The following MICU1 variants were observed in gnomAD, a reference collection of about 807,000 sequenced individuals.
MICU1 encodes mitochondrial calcium uptake 1.
MICU1 carries 45 observed loss-of-function variants against 56.8 expected under a neutral mutation model. The ratio of observed to expected loss-of-function variants is 0.79; its 90% CI spans 0.62 to 1.02. The LOEUF (loss-of-function observed/expected upper bound fraction) is 1.02. Among genes scored for constraint, MICU1 ranks in the 50% least tolerant of loss-of-function variants. The pLI, the probability that MICU1 is intolerant of heterozygous loss-of-function variation, is 0.00. For missense variants in MICU1, 504 were observed against 587.1 expected (o/e 0.86, Z 1.46); for synonymous variants, 186 against 195.1 (o/e 0.95, Z 0.39).
intron 10 of MICU1, among the ~76,000 whole-genome samples, chr10:72,403,629 T>TTGTGTGTGTGTGTGTGTG (rs60373032): frequency 5.7e-5 from 8 of 139,822 alleles, no homozygotes; most frequent in Non-Finnish European, 7.7e-5. Flanking sequence ...CATACCAAAA[T>TTGTGTGTGTGTGTGTGTG]TGTGTGTGTG....
intron 6 of MICU1, among the ~76,000 whole-genome samples, chr10:72,498,429 T>A (rs2132321165): frequency 6.6e-6 from 1 of 152,116 alleles, no homozygotes; most frequent in African/African-American, 2.4e-5. Context: ...CTATTAAAAG[T>A]ACAAAAATTA....
At chr10:72,594,366 T>A (rs1841313611) in intron 1 of MICU1, among the ~76,000 whole-genome samples, 1 of 151,892 alleles carries the variant, frequency 6.6e-6, no homozygotes, top group South Asian at 2.1e-4. Context: ...AAGAGAAAGT[T>A]GAACCCTTAC....
intron 8 of MICU1, among the ~76,000 whole-genome samples, chr10:72,473,632 T>C (rs1265525747): frequency 6.6e-6 from 1 of 151,950 alleles, no homozygotes; most frequent in Non-Finnish European, 1.5e-5. Flanking sequence ...CATGTACATC[T>C]TTGGGATATG....
chr10:72,592,396 C>T (rs575390448), intron 1 of MICU1, among the ~76,000 whole-genome samples: 3 of 152,064 alleles, frequency 2.0e-5, no homozygotes, highest in African/African-American at 4.8e-5. Context: ...TTCTACTAAA[C>T]ATTTAAAGAA....
chr10:72,426,798 G>A (rs1040135027), intron 8 of MICU1, among the ~76,000 whole-genome samples: 5 of 152,082 alleles, frequency 3.3e-5, no homozygotes, highest in African/African-American at 9.7e-5. Context: ...ATACTCAACC[G>A]CTATCTTAAG....
At chr10:72,413,769 T>C (rs989529491) in intron 9 of MICU1, among the ~76,000 whole-genome samples, 4 of 152,050 alleles carry the variant, frequency 2.6e-5, no homozygotes, top group African/African-American at 9.7e-5. Context: ...TCCAGAATTA[T>C]ATAAACAACT....
chr10:72,468,610 A>C (rs1865864380), intron 8 of MICU1, among the ~76,000 whole-genome samples: 1 of 151,754 alleles, frequency 6.6e-6, no homozygotes. Context: ...TAAAGAAAAA[A>C]GGGTAGAATG....
intron 10 of MICU1, among the ~76,000 whole-genome samples, chr10:72,394,021 C>T (rs1192006067): frequency 2.0e-5 from 3 of 152,196 alleles, no homozygotes; most frequent in Admixed American, 6.5e-5. Context: ...CCCACCTTGG[C>T]CTCCCAAAGT....
chr10:72,388,715 G>A (rs1862971493), intron 10 of MICU1, among the ~76,000 whole-genome samples: 1 of 152,212 alleles, frequency 6.6e-6, no homozygotes, highest in South Asian at 2.1e-4. Context: ...AAAGTCCAGA[G>A]TCTGTCTTCC....
intron 8 of MICU1, among the ~76,000 whole-genome samples, chr10:72,455,298 C>T (rs889353546): frequency 3.9e-5 from 5 of 129,206 alleles, no homozygotes; most frequent in South Asian, 2.4e-4. Flanking sequence ...TGCAGTGAGC[C>T]GAGATGGTGC....
At chr10:72,524,006 T>C in intron 5 of MICU1, 1 of 1,262,918 alleles carries the variant, frequency 7.9e-7, no homozygotes, top group Non-Finnish European at 9.9e-7. Flanking sequence ...ACTGCTTATT[T>C]GTATTTATTA....
intron 3 of MICU1, among the ~76,000 whole-genome samples, chr10:72,559,644 T>C (rs1453092224): frequency 1.3e-5 from 2 of 152,078 alleles, no homozygotes; most frequent in African/African-American, 2.4e-5. Flanking sequence ...TGGGCAAATA[T>C]TGAGACCTCT....
At position 72,566,787 on chromosome 10, in the gene MICU1, G is replaced by T; in HGVS notation, c.7C>A (p.Arg3Ser). The T allele has an allele frequency of 6.2e-7, 1 of 1,609,368 alleles. No individual in the cohort carries two copies. Among genetic ancestry groups the T allele is most frequent in the Non-Finnish European group, 8.5e-7 (1 of 1,178,178 alleles). ...GCCAAAGCAGAAAGTGAGTTCAGAC[G>T]AAACATCCTGTGGACAATAAGTAGA... is the stretch of plus-strand genomic sequence containing the variant. MFRLNSLSALAEL... is the reference protein window; with the variant it reads MFSLNSLSALAEL... Residue 3 changes from arginine to serine, a missense_variant, in exon 2 of 12, where the codon CGT (arginine) becomes AGT (serine). Coordinates refer to ENST00000361114, the MANE Select transcript of MICU1 (RefSeq NM_001195518.2).
intron 4 of MICU1, among the ~76,000 whole-genome samples, chr10:72,546,677 C>T (rs942236436): frequency 4.6e-5 from 7 of 152,300 alleles, no homozygotes; most frequent in African/African-American, 1.7e-4. Flanking sequence ...TTTCTTCCTT[C>T]AATATCACAA....
intron 8 of MICU1, among the ~76,000 whole-genome samples, chr10:72,458,612 A>C (rs1865546337): frequency 3.3e-5 from 5 of 152,182 alleles, no homozygotes. Flanking sequence ...AAGACTGGAC[A>C]GAGATGCCAG....
chr10:72,370,219 C>G (rs1862287917), intron 11 of MICU1, among the ~76,000 whole-genome samples: 1 of 152,064 alleles, frequency 6.6e-6, no homozygotes. Context: ...CCACACAGAA[C>G]AGTAACCACT....
At chr10:72,551,583 G>A (rs1840037242) in intron 3 of MICU1, among the ~76,000 whole-genome samples, 1 of 152,040 alleles carries the variant, frequency 6.6e-6, no homozygotes, top group Non-Finnish European at 1.5e-5. Flanking sequence ...CAATGCTCAT[G>A]TAACTTTTGT....
chr10:72,391,490 G>C (rs964380213), intron 10 of MICU1, among the ~76,000 whole-genome samples: 14 of 151,848 alleles, frequency 9.2e-5, no homozygotes, highest in Non-Finnish European at 4.4e-5. Context: ...CCAGTAGAAA[G>C]TAACAACACA....
chr10:72,371,892 CA>C (rs1391263923), intron 11 of MICU1, among the ~76,000 whole-genome samples: 1 of 151,618 alleles, frequency 6.6e-6, no homozygotes, highest in African/African-American at 2.4e-5. Context: ...CCTGTCTCTA[CA>C]AAAAGTTAAA....
Sources: allele counts gnomAD v4.1 joint callset (sites outside exome capture counted in the v4.1 genomes callset), GRCh38; gene constraint gnomAD v4.1.1; transcripts MANE v1.5; gene names NCBI Gene and HGNC (gene_info 2026-07-23, HGNC 2026-07-21).